Variants in STXBP5L observed in about 807,000 individuals in gnomAD.
The protein encoded by STXBP5L is syntaxin binding protein 5L, also known as syntaxin-binding protein 5-like.
A neutral mutation model predicts 144.5 loss-of-function variants in STXBP5L; 65 were observed. That is an observed-to-expected ratio of 0.45 (90% CI 0.37 to 0.55). The LOEUF is 0.55. Ranked by LOEUF, STXBP5L falls within the 20% of genes least tolerant of loss-of-function variation. The pLI, the probability that STXBP5L is intolerant of heterozygous loss-of-function variation, is 0.00. For synonymous variants in STXBP5L, 505 were observed against 469.6 expected (o/e 1.08, Z -0.97); for missense variants, 1,298 against 1,405.5 (o/e 0.92, Z 1.22).
intron 9 of STXBP5L, among the ~76,000 whole-genome samples, chr3:121,185,632 G>C (rs971669614): frequency 2.0e-5 from 3 of 152,060 alleles, no homozygotes; most frequent in East Asian, 3.9e-4. Context: ...ATTTCTGAGG[G>C]CTCTGTTCTG....
chr3:120,987,322 A>G (rs953937350), intron 3 of STXBP5L, among the ~76,000 whole-genome samples: 1 of 151,990 alleles, frequency 6.6e-6, no homozygotes, highest in African/African-American at 2.4e-5. Flanking sequence ...CGTTTTGATA[A>G]TGCTGTAGTA....
intron 7 of STXBP5L, 116 bp downstream of exon 7, chr3:121,121,820 G>T: frequency 1.7e-6 from 1 of 576,168 alleles, no homozygotes; most frequent in Non-Finnish European, 2.9e-6. Context: ...TTTATATTAT[G>T]TAAAATGAAA....
chr3:121,283,727 T>C (rs1325588711), intron 19 of STXBP5L, among the ~76,000 whole-genome samples: 1 of 152,046 alleles, frequency 6.6e-6, no homozygotes, highest in Non-Finnish European at 1.5e-5. Context: ...TAAAGTTTGC[T>C]GATTCCTGCT....
intron 20 of STXBP5L, among the ~76,000 whole-genome samples, chr3:121,333,354 T>A (rs1418848080): frequency 6.6e-6 from 1 of 151,922 alleles, no homozygotes; most frequent in Non-Finnish European, 1.5e-5. Flanking sequence ...CATACCAGAA[T>A]CTCTGGGACA....
intron 20 of STXBP5L, among the ~76,000 whole-genome samples, chr3:121,325,298 T>G (rs1157980995): frequency 6.6e-6 from 1 of 152,086 alleles, no homozygotes; most frequent in Non-Finnish European, 1.5e-5. Flanking sequence ...ATAATAGTTA[T>G]CCACAGTTTT....
At chr3:121,314,532 C>T (rs1285102977) in intron 19 of STXBP5L, among the ~76,000 whole-genome samples, 14 of 143,750 alleles carry the variant, frequency 9.7e-5, no homozygotes, top group African/African-American at 2.1e-4. Context: ...TGCAGTGAGC[C>T]GAGATGGCAG....
intron 9 of STXBP5L, among the ~76,000 whole-genome samples, chr3:121,197,079 T>G (rs112451941): frequency 5.8e-4 from 88 of 152,232 alleles, no homozygotes; most frequent in African/African-American, 2.0e-3. Context: ...CATACTGGAG[T>G]TTTTAGTATG....
At chr3:120,932,715 A>G (rs1361091487) in intron 2 of STXBP5L, among the ~76,000 whole-genome samples, 1 of 152,200 alleles carries the variant, frequency 6.6e-6, no homozygotes, top group East Asian at 1.9e-4. Flanking sequence ...CCAAAGGATT[A>G]TAAATCATGC....
rs191108739 is a variant in STXBP5L, at chr3:121,278,599, A to G, written c.1959-1206A>G. On this transcript the variant is annotated intron_variant, in intron 18 of 26. Transcript: ENST00000471454. ...AACATGTATAATATTGCATTTATTT[A>G]TAATATTAAGATCAATTCTTTTTGC... Among the ~76,000 whole-genome samples the G allele has an allele frequency of 8.8e-4, 134 of 152,090 alleles. 1 individual carries two copies. Among genetic ancestry groups the G allele is most frequent in the Non-Finnish European group, 2.8e-4 (19 of 67,886 alleles).
chr3:120,922,463 C>T (rs540801947), intron 2 of STXBP5L, among the ~76,000 whole-genome samples: 11 of 151,798 alleles, frequency 7.2e-5, no homozygotes, highest in Non-Finnish European at 1.5e-4. Flanking sequence ...ATTTTTTTCT[C>T]TTGCCTAATT....
chr3:121,389,993 G>A (rs1214518230), intron 22 of STXBP5L, among the ~76,000 whole-genome samples: 5 of 152,280 alleles, frequency 3.3e-5, no homozygotes, highest in African/African-American at 9.6e-5. Flanking sequence ...GGGTGTTAAA[G>A]TCTCCCATTA....
chr3:121,306,098 G>A (rs1464977702), intron 19 of STXBP5L, among the ~76,000 whole-genome samples: 1 of 152,164 alleles, frequency 6.6e-6, no homozygotes, highest in Non-Finnish European at 1.5e-5. Flanking sequence ...ATTTATGAAA[G>A]CTATTTTAAA....
At chr3:121,270,444 G>A (rs1326159128) in intron 18 of STXBP5L, among the ~76,000 whole-genome samples, 4 of 151,818 alleles carry the variant, frequency 2.6e-5, no homozygotes, top group Non-Finnish European at 5.9e-5. Context: ...TCCTTTAATC[G>A]GGGGCAGTTC....
At chr3:120,953,492 T>G (rs1261732745) in intron 2 of STXBP5L, among the ~76,000 whole-genome samples, 2 of 147,992 alleles carry the variant, frequency 1.4e-5, no homozygotes, top group Non-Finnish European at 3.0e-5. Context: ...TCATGCCTGG[T>G]GAATTTTTCC....
intron 10 of STXBP5L, among the ~76,000 whole-genome samples, chr3:121,209,312 G>T (rs994033705): frequency 6.6e-6 from 1 of 152,120 alleles, no homozygotes; most frequent in Non-Finnish European, 1.5e-5. Flanking sequence ...CGGTCAAATG[G>T]TATTTCTGGT....
intron 9 of STXBP5L, among the ~76,000 whole-genome samples, chr3:121,191,178 C>T (rs2047662762): frequency 1.3e-5 from 2 of 152,144 alleles, no homozygotes; most frequent in Admixed American, 1.3e-4. Context: ...CTTTGGGAGG[C>T]CAAGGCAGGC....
intron 6 of STXBP5L, 111 bp from the exon 7 acceptor site, chr3:121,121,530 T>C: frequency 1.4e-6 from 1 of 739,890 alleles, no homozygotes; most frequent in Non-Finnish European, 2.2e-6. Flanking sequence ...AGCTTAACCC[T>C]AGAATGGTGG....
chr3:121,204,939 G>A (rs1430508798), intron 9 of STXBP5L, among the ~76,000 whole-genome samples: 1 of 151,966 alleles, frequency 6.6e-6, no homozygotes, highest in East Asian at 1.9e-4. Flanking sequence ...TATCATTTTT[G>A]TTTTATGCAA....
At chr3:121,059,839 T>C (rs2041174367) in intron 5 of STXBP5L, among the ~76,000 whole-genome samples, 2 of 152,238 alleles carry the variant, frequency 1.3e-5, no homozygotes, top group African/African-American at 4.8e-5. Context: ...GAGACTTTGC[T>C]TAAGTTGCTT....
Sources: allele counts gnomAD v4.1 joint callset (sites outside exome capture counted in the v4.1 genomes callset), GRCh38; gene constraint gnomAD v4.1.1; transcripts MANE v1.5; gene names NCBI Gene and HGNC (gene_info 2026-07-23, HGNC 2026-07-21).